PBX1: variants seen among roughly 807,000 people sequenced by gnomAD.
PBX1 encodes the protein pre-B-cell leukemia transcription factor 1.
PBX1 carries 6 observed loss-of-function variants against 53.4 expected under a neutral mutation model. The ratio of observed to expected loss-of-function variants is 0.11; its 90% CI spans 0.06 to 0.22. The LOEUF (loss-of-function observed/expected upper bound fraction) is 0.22, where lower values mean the gene tolerates loss of function less well. Ranked by LOEUF, PBX1 falls within the 10% of genes least tolerant of loss-of-function variation. PBX1 has a pLI of 1.00. For synonymous variants in PBX1, 204 were observed against 212.3 expected (o/e 0.96, Z 0.34); for missense variants, 251 against 551.4 (o/e 0.46, Z 5.46).
At chr1:164,694,787 G>A (rs1223228505) in intron 2 of PBX1, among the ~76,000 whole-genome samples, 3 of 152,138 alleles carry the variant, frequency 2.0e-5, no homozygotes, top group Non-Finnish European at 4.4e-5. Flanking sequence ...AACACTTTAT[G>A]CCAAGACTTA....
chr1:164,848,305 C>T lies in PBX1; in HGVS notation c.*1629C>T, dbSNP rs1000614723. On this transcript the variant is annotated 3_prime_UTR_variant, in exon 9 of 9. Transcript: ENST00000420696. ...CCAGTTATAAAGATGGCAGCTCTAT[C>T]ACTTGATTAAGTGGGAGGTGGTCAA... The T allele has an allele frequency of 2.8e-6, 3 of 1,057,274 alleles. No individual in the cohort carries two copies. Among genetic ancestry groups the T allele is most frequent in the Non-Finnish European group, 3.4e-6 (3 of 874,302 alleles). 65.5% of individuals were successfully genotyped at this position (1,057,274 alleles called of 1,614,324 possible).
At chr1:164,584,988 G>C (rs1654860400) in intron 2 of PBX1, among the ~76,000 whole-genome samples, 3 of 152,012 alleles carry the variant, frequency 2.0e-5, no homozygotes, top group South Asian at 4.2e-4. Flanking sequence ...ACTAGAAAAG[G>C]ACTCTTCCAT....
At chr1:164,663,783 T>C (rs1660651008) in intron 2 of PBX1, among the ~76,000 whole-genome samples, 1 of 152,194 alleles carries the variant, frequency 6.6e-6, no homozygotes, top group Admixed American at 6.5e-5. Context: ...AAAATATCAA[T>C]TGCCAGGTAC....
chr1:164,740,361 A>G (rs947794921), intron 2 of PBX1, among the ~76,000 whole-genome samples: 4 of 151,330 alleles, frequency 2.6e-5, no homozygotes, highest in Non-Finnish European at 2.9e-5. Flanking sequence ...TATAGTATGG[A>G]AAAAATAAAA....
At chr1:164,671,972 T>C (rs1200904499) in intron 2 of PBX1, among the ~76,000 whole-genome samples, 1 of 152,100 alleles carries the variant, frequency 6.6e-6, no homozygotes, top group Non-Finnish European at 1.5e-5. Flanking sequence ...GGATTCTTCA[T>C]TATTAATTTG....
chr1:164,771,642 G>T (rs1256735529), intron 2 of PBX1: 2 of 151,460 alleles, frequency 1.3e-5, no homozygotes, highest in African/African-American at 2.4e-5. Context: ...ATTGTTGCGA[G>T]TCATGAGATC....
chr1:164,839,658 G>A (rs1671199722), intron 8 of PBX1, among the ~76,000 whole-genome samples: 2 of 152,184 alleles, frequency 1.3e-5, no homozygotes, highest in Admixed American at 1.3e-4. Context: ...GTAAAGGAAG[G>A]ATTCTCACTT....
At chr1:164,745,065 G>A (rs1665822495) in intron 2 of PBX1, among the ~76,000 whole-genome samples, 1 of 152,174 alleles carries the variant, frequency 6.6e-6, no homozygotes, top group Non-Finnish European at 1.5e-5. Flanking sequence ...TCAGAGAGCA[G>A]CAGAACGTTG....
At chr1:164,791,357 T>C (rs1217901337) in intron 2 of PBX1, among the ~76,000 whole-genome samples, 2 of 152,244 alleles carry the variant, frequency 1.3e-5, no homozygotes, top group African/African-American at 4.8e-5. Flanking sequence ...GACGCCATCC[T>C]ACCAGAGCAC....
At position 164,846,774 on chromosome 1, in the gene PBX1, G is replaced by A; in HGVS notation, c.*98G>A. 1.3e-6 allele frequency: 2 copies of A among 1,599,018 alleles called. No individual in the cohort carries two copies. Among genetic ancestry groups the A allele is most frequent in the Non-Finnish European group, 1.7e-6 (2 of 1,172,694 alleles). On this transcript the variant is annotated 3_prime_UTR_variant, in exon 9 of 9. Transcript: ENST00000420696. The stretch of plus-strand genomic sequence containing the variant: ...CAACGCTGAAGCGGTCAGACTGGAG[G>A]TCGAAGCAATCAGCAAACACAATAA...
chr1:164,849,256 T>C lies in PBX1; in HGVS notation c.*2580T>C. 1 of 1,524,614 alleles carries C rather than the reference T, an allele frequency of 6.6e-7. No homozygotes were observed. Among genetic ancestry groups the C allele is most frequent in the Non-Finnish European group, 8.8e-7 (1 of 1,139,890 alleles). 94.4% of individuals were successfully genotyped at this position (1,524,614 alleles called of 1,614,324 possible). A position where few individuals can be genotyped will look rare whatever the true frequency, so the allele number is the denominator to read the frequency against. On this transcript the variant is annotated 3_prime_UTR_variant, in exon 9 of 9. Coordinates refer to ENST00000420696, the MANE Select transcript of PBX1 (RefSeq NM_002585.4). The stretch of plus-strand genomic sequence containing the variant: ...GGGCTACATTTGCACAGGCAGTTTC[T>C]CTCCGGGCCGTAGTTTTCACTGATG...
chr1:164,666,149 C>T (rs542663373), intron 2 of PBX1, among the ~76,000 whole-genome samples: 1 of 152,250 alleles, frequency 6.6e-6, no homozygotes, highest in African/African-American at 2.4e-5. Context: ...TCCCTCACCT[C>T]CCAGAGGATG....
chr1:164,834,879 T>C (rs1453187309), intron 8 of PBX1, among the ~76,000 whole-genome samples: 1 of 152,236 alleles, frequency 6.6e-6, no homozygotes, highest in Non-Finnish European at 1.5e-5. Flanking sequence ...GAGTTAGATA[T>C]GGACTCTTCT....
intron 2 of PBX1, among the ~76,000 whole-genome samples, chr1:164,583,427 C>T (rs1199118497): frequency 6.6e-6 from 1 of 152,158 alleles, no homozygotes; most frequent in Non-Finnish European, 1.5e-5. Context: ...CTCTCTGAAT[C>T]TCAGGTCACA....
chr1:164,571,875 A>ATATATG (rs1653888814), intron 2 of PBX1, among the ~76,000 whole-genome samples: 1 of 28,558 alleles, frequency 3.5e-5, no homozygotes, highest in East Asian at 1.9e-3. Flanking sequence ...TGTACATTGT[A>ATATATG]TATATATATA....
chr1:164,691,581 A>C (rs1157513813), intron 2 of PBX1, among the ~76,000 whole-genome samples: 2 of 152,178 alleles, frequency 1.3e-5, no homozygotes, highest in Non-Finnish European at 2.9e-5. Context: ...CCTGAGGCTG[A>C]AGCGTCTTCT....
chr1:164,611,476 G>A (rs1656923258), intron 2 of PBX1, among the ~76,000 whole-genome samples: 1 of 152,046 alleles, frequency 6.6e-6, no homozygotes, highest in African/African-American at 2.4e-5. Flanking sequence ...CTGACCTCGT[G>A]ATCCGCCCGC....
intron 2 of PBX1, among the ~76,000 whole-genome samples, chr1:164,576,395 C>A (rs554422685): frequency 2.0e-5 from 3 of 152,188 alleles, no homozygotes; most frequent in East Asian, 1.9e-4. Flanking sequence ...CTGCCCGGTC[C>A]GCCGGCGCGG....
At chr1:164,690,212 G>A (rs532546732) in intron 2 of PBX1, among the ~76,000 whole-genome samples, 244 of 152,230 alleles carry the variant, frequency 1.6e-3, no homozygotes, top group African/African-American at 5.4e-3. Context: ...CTGCCACATC[G>A]GATGCAGGAT....
Sources: allele counts gnomAD v4.1 joint callset (sites outside exome capture counted in the v4.1 genomes callset), GRCh38; gene constraint gnomAD v4.1.1; transcripts MANE v1.5; gene names NCBI Gene and HGNC (gene_info 2026-07-23, HGNC 2026-07-21).